Variants in PRKD1 observed in about 807,000 individuals in gnomAD.
PRKD1 encodes protein kinase D1.
A neutral mutation model predicts 95.9 loss-of-function variants in PRKD1; 63 were observed. The observed-to-expected ratio is 0.66, with a 90% CI of 0.54 to 0.81. The LOEUF is 0.81. PRKD1 is among the 30% of genes least tolerant of loss of function. PRKD1 has a pLI of 0.00. For missense variants in PRKD1, 1,048 were observed against 1,165.3 expected (o/e 0.90, Z 1.47); for synonymous variants, 425 against 423.1 (o/e 1.00, Z -0.05).
At chr14:29,825,664 T>C (rs774526139) in intron 1 of PRKD1, among the ~76,000 whole-genome samples, 2 of 152,120 alleles carry the variant, frequency 1.3e-5, no homozygotes, top group Non-Finnish European at 2.9e-5. Context: ...TTAGTTAGAA[T>C]TGAATTTTAA....
chr14:29,910,163 C>T (rs542882914), intron 1 of PRKD1, among the ~76,000 whole-genome samples: 29 of 152,220 alleles, frequency 1.9e-4, no homozygotes, highest in Non-Finnish European at 2.4e-4. Flanking sequence ...ACACTCACTG[C>T]GAAGGTCTGC....
intron 1 of PRKD1, among the ~76,000 whole-genome samples, chr14:29,729,581 A>G (rs1310208413): frequency 6.6e-6 from 1 of 151,824 alleles, no homozygotes; most frequent in Non-Finnish European, 1.5e-5. Flanking sequence ...AATTTTATCA[A>G]TTTCTCTTGT....
intron 2 of PRKD1, among the ~76,000 whole-genome samples, chr14:29,711,391 A>G (rs1486608926): frequency 6.6e-6 from 1 of 152,120 alleles, no homozygotes; most frequent in Non-Finnish European, 1.5e-5. Context: ...TGACAATCAC[A>G]CAGCTATAAA....
chr14:29,775,545 T>C (rs1402246091), intron 1 of PRKD1, among the ~76,000 whole-genome samples: 1 of 152,108 alleles, frequency 6.6e-6, no homozygotes. Flanking sequence ...CCCTCGCTCA[T>C]TGCTAGCACA....
intron 1 of PRKD1, among the ~76,000 whole-genome samples, chr14:29,756,335 C>G (rs934462648): frequency 7.2e-5 from 11 of 152,030 alleles, no homozygotes; most frequent in African/African-American, 2.7e-4. Context: ...CTGTACTATG[C>G]GTAAAGACTT....
At chr14:29,702,632 C>G (rs1029220967) in intron 2 of PRKD1, among the ~76,000 whole-genome samples, 7 of 151,938 alleles carry the variant, frequency 4.6e-5, no homozygotes, top group African/African-American at 1.7e-4. Flanking sequence ...ACTTCTAGAA[C>G]AGACTTCATT....
intron 1 of PRKD1, among the ~76,000 whole-genome samples, chr14:29,757,475 T>C (rs915762275): frequency 5.3e-5 from 8 of 151,994 alleles, no homozygotes; most frequent in African/African-American, 1.7e-4. Context: ...CATGTGCAAA[T>C]ACATAGCAAT....
intron 1 of PRKD1, among the ~76,000 whole-genome samples, chr14:29,870,836 A>G (rs1893079469): frequency 6.6e-6 from 1 of 152,212 alleles, no homozygotes; most frequent in African/African-American, 2.4e-5. Flanking sequence ...CCTCTAAAAT[A>G]TAATTACAGA....
chr14:29,793,439 A>C (rs915583416), intron 1 of PRKD1, among the ~76,000 whole-genome samples: 21 of 152,206 alleles, frequency 1.4e-4, no homozygotes, highest in African/African-American at 5.1e-4. Flanking sequence ...ACTAACGAGA[A>C]TTGATTTGTT....
rs543331086 is a variant in PRKD1, at chr14:29,636,307, G to T, written c.1173C>A (p.Asp391Glu). Residue 391 changes from aspartate (D) to glutamate (E), a missense_variant, in exon 7 of 18, where the codon GAC becomes GAA. Asp to Glu is a conservative substitution (Grantham distance 45). Coordinates refer to ENST00000331968, the MANE Select transcript of PRKD1 (RefSeq NM_002742.3). ...GCTCTCACCTGATGGTTCTGTTGGC[G>T]TCCTCGTGGTCTGGGTCTGGATCTT... is the stretch of plus-strand genomic sequence containing the variant. ...EMQDPDPDHE[D>E]ANRTISPSTS... is the part of the protein sequence containing the mutation. 1.9e-6 allele frequency: 3 copies of T among 1,614,208 alleles called. No individual in the cohort carries two copies. In the East Asian group the frequency reaches 6.7e-5, roughly 36 times the overall value.
chr14:29,618,991 G>A (rs2139072999), intron 13 of PRKD1, among the ~76,000 whole-genome samples: 1 of 152,270 alleles, frequency 6.6e-6, no homozygotes. Flanking sequence ...GGAAGGGGGA[G>A]GGCAAAACTT....
intron 2 of PRKD1, among the ~76,000 whole-genome samples, chr14:29,685,418 T>G (rs1883800536): frequency 6.6e-6 from 1 of 152,180 alleles, no homozygotes; most frequent in Non-Finnish European, 1.5e-5. Flanking sequence ...AATAGCACAT[T>G]GAAATATCTG....
At chr14:29,926,364 C>T (rs1166325051) in intron 1 of PRKD1, among the ~76,000 whole-genome samples, 1 of 152,180 alleles carries the variant, frequency 6.6e-6, no homozygotes. Context: ...CCCCCTCTGC[C>T]TCACGTCTGT....
intron 1 of PRKD1, among the ~76,000 whole-genome samples, chr14:29,839,355 T>C (rs936636664): frequency 1.6e-4 from 25 of 152,166 alleles, no homozygotes; most frequent in African/African-American, 5.5e-4. Flanking sequence ...AGGAGATGAA[T>C]CATGGTACCA....
intron 1 of PRKD1, among the ~76,000 whole-genome samples, chr14:29,755,179 G>A (rs1054085337): frequency 1.3e-5 from 2 of 152,018 alleles, no homozygotes; most frequent in African/African-American, 4.8e-5. Context: ...TGAATTCTGT[G>A]TCTGCTTTTT....
intron 2 of PRKD1, among the ~76,000 whole-genome samples, chr14:29,669,451 AT>A (rs45543737): frequency 0.027 from 4,043 of 150,132 alleles, 149 homozygotes; most frequent in African/African-American, 0.08. Flanking sequence ...TGCTGTGGGC[AT>A]TTTTTTTTTC....
At position 29,624,262 on chromosome 14, in the gene PRKD1, T is replaced by C. The variant is rs373083846; in HGVS notation, c.1799-4A>G. The C allele has an allele frequency of 2.5e-6, 4 of 1,588,734 alleles. No homozygotes were observed. The African/African-American group carries it at 5.4e-5, about 22-fold the overall frequency. On this transcript the variant is annotated splice_polypyrimidine_tract_variant and splice_region_variant and intron_variant, in intron 12 of 17. Transcript: ENST00000331968. Reference sequence around the variant, plus strand: ...CTTCCTGTTTTACGATGTTTTCCTTTAAAATGAAAAAGGGAAGCATTAGTA... The same window carrying C: ...CTTCCTGTTTTACGATGTTTTCCTTCAAAATGAAAAAGGGAAGCATTAGTA...
At chr14:29,837,471 T>C (rs1209105631) in intron 1 of PRKD1, among the ~76,000 whole-genome samples, 2 of 152,108 alleles carry the variant, frequency 1.3e-5, no homozygotes, top group African/African-American at 2.4e-5. Flanking sequence ...TTTAACACTA[T>C]AAAAGTAAAG....
chr14:29,596,556 C>T (rs1342107624), intron 16 of PRKD1, among the ~76,000 whole-genome samples: 7 of 152,136 alleles, frequency 4.6e-5, no homozygotes, highest in African/African-American at 9.7e-5. Flanking sequence ...CTGGTTCAAG[C>T]GCTTCTCCTG....
Sources: gnomAD v4.1 joint callset for allele counts (sites outside exome capture counted in the v4.1 genomes callset) on GRCh38, gnomAD v4.1.1 for gene constraint, MANE v1.5 for transcripts, NCBI Gene and HGNC (gene_info 2026-07-23, HGNC 2026-07-21) for gene names.